Variants in CATSPERE observed in about 807,000 individuals in gnomAD.
CATSPERE encodes the protein catsper channel auxiliary subunit epsilon.
A neutral mutation model predicts 114.1 loss-of-function variants in CATSPERE; 93 were observed. The observed-to-expected ratio is 0.81, with a 90% CI of 0.69 to 0.97. CATSPERE has a LOEUF of 0.97. Among genes scored for constraint, CATSPERE ranks in the 50% least tolerant of loss-of-function variants. CATSPERE has a pLI of 0.00. For synonymous variants in CATSPERE, 341 were observed against 384.1 expected (o/e 0.89, Z 1.31); for missense variants, 1,058 against 1,131.6 (o/e 0.93, Z 0.93).
chr1:244,630,303 G>A (rs1673763909), intron 20 of CATSPERE, among the ~76,000 whole-genome samples: 1 of 152,138 alleles, frequency 6.6e-6, no homozygotes, highest in African/African-American at 2.4e-5. Flanking sequence ...CACATCATGT[G>A]TACTTTTTGA....
At chr1:244,625,432 A>ATATTTTTTTTT (rs1189412299) in intron 20 of CATSPERE, among the ~76,000 whole-genome samples, 1 of 3,976 alleles carries the variant, frequency 2.5e-4, no homozygotes, top group Non-Finnish European at 4.7e-4. Flanking sequence ...ATATATATAT[A>ATATTTTTTTTT]TTTTTTTTTT....
chr1:244,621,270 G>GATATATTTATATAAATATATTTAT (rs1672302830), intron 20 of CATSPERE, among the ~76,000 whole-genome samples: 1 of 62,644 alleles, frequency 1.6e-5, no homozygotes, highest in African/African-American at 5.7e-5. Flanking sequence ...TATTTATATA[G>GATATATTTATATAAATATATTTAT]ATATATCTAT....
chr1:244,506,691 T>C (rs1045755008), intron 7 of CATSPERE, among the ~76,000 whole-genome samples: 4 of 152,180 alleles, frequency 2.6e-5, no homozygotes, highest in South Asian at 2.1e-4. Flanking sequence ...TTGGTACCCA[T>C]ATACAATGTG....
intron 11 of CATSPERE, among the ~76,000 whole-genome samples, chr1:244,574,653 A>G (rs1478905043): frequency 6.6e-6 from 1 of 152,152 alleles, no homozygotes; most frequent in Non-Finnish European, 1.5e-5. Flanking sequence ...TAGAGCACAA[A>G]TACTGCTCTA....
intron 13 of CATSPERE, among the ~76,000 whole-genome samples, chr1:244,586,755 C>G (rs1374022939): frequency 6.6e-6 from 1 of 152,166 alleles, no homozygotes. Flanking sequence ...CAACATCCAA[C>G]AACATGCATA....
At chr1:244,550,906 G>T (rs1273539035) in intron 8 of CATSPERE, among the ~76,000 whole-genome samples, 2 of 152,176 alleles carry the variant, frequency 1.3e-5, no homozygotes, top group Non-Finnish European at 2.9e-5. Flanking sequence ...GAAATGTTCA[G>T]TACTTCTAAG....
intron 11 of CATSPERE, among the ~76,000 whole-genome samples, chr1:244,579,567 A>G (rs911945712): frequency 2.0e-5 from 3 of 152,232 alleles, no homozygotes; most frequent in African/African-American, 7.2e-5. Flanking sequence ...AATCCCATAT[A>G]TAAGTGTACT....
At chr1:244,490,663 T>C (rs1483195510) in intron 6 of CATSPERE, among the ~76,000 whole-genome samples, 192 bp downstream of exon 6, 1 of 152,142 alleles carries the variant, frequency 6.6e-6, no homozygotes, top group Non-Finnish European at 1.5e-5. Context: ...CCTATCTGCA[T>C]AAGGATGGAT....
intron 7 of CATSPERE, among the ~76,000 whole-genome samples, chr1:244,516,023 A>G (rs2148349568): frequency 6.6e-6 from 1 of 151,712 alleles, no homozygotes; most frequent in East Asian, 1.9e-4. Flanking sequence ...GCAAAACCCC[A>G]TCTGTACAAA....
In CATSPERE at chr1:244,487,133, G is replaced by C. The variant is rs113605560; in HGVS notation, c.327-3314G>C. ...GTAGTCACCTGGTGGGTGGTTCAGCGTGTGGAATACTCGTGGGCCACATAC... is the reference window on the plus strand; with the variant it reads ...GTAGTCACCTGGTGGGTGGTTCAGCCTGTGGAATACTCGTGGGCCACATAC... On this transcript the variant is annotated intron_variant, in intron 5 of 21. Transcript: ENST00000366534. Among the ~76,000 whole-genome samples the C allele has an allele frequency of 2.8e-5, 3 of 105,536 alleles. No homozygotes were observed. In the South Asian group the frequency reaches 1.1e-3, roughly 38 times the overall value. 69.2% of individuals were successfully genotyped at this position (105,536 alleles called of 152,430 possible). A position where few individuals can be genotyped will look rare whatever the true frequency, so the allele number is the denominator to read the frequency against.
intron 19 of CATSPERE, among the ~76,000 whole-genome samples, chr1:244,615,540 A>G (rs190063014): frequency 2.9e-4 from 44 of 151,742 alleles, no homozygotes; most frequent in Admixed American, 7.3e-4. Flanking sequence ...CTCCCAGGCC[A>G]CAAACACGCA....
intron 8 of CATSPERE, among the ~76,000 whole-genome samples, chr1:244,527,734 TATTA>T (rs1678878008): frequency 6.6e-6 from 1 of 152,314 alleles, no homozygotes; most frequent in South Asian, 2.1e-4. Context: ...ATTATAAAAG[TATTA>T]ATTTGGGGAA....
chr1:244,512,778 G>C (rs1459537121), intron 7 of CATSPERE, among the ~76,000 whole-genome samples: 1 of 152,098 alleles, frequency 6.6e-6, no homozygotes, highest in Admixed American at 6.5e-5. Flanking sequence ...GGTTGGGTAG[G>C]TTACTCTGGC....
intron 19 of CATSPERE, among the ~76,000 whole-genome samples, chr1:244,616,878 C>G (rs986697810): frequency 6.6e-6 from 1 of 152,172 alleles, no homozygotes; most frequent in African/African-American, 2.4e-5. Context: ...GAGAAGCTTT[C>G]AGAGAGCAAG....
chr1:244,476,835 G>A (rs1449759868), intron 2 of CATSPERE, among the ~76,000 whole-genome samples: 1 of 152,188 alleles, frequency 6.6e-6, no homozygotes, highest in African/African-American at 2.4e-5. Context: ...AGAAAAAGAT[G>A]AAAGTTATGT....
At chr1:244,535,015 A>C (rs756373845) in intron 8 of CATSPERE, among the ~76,000 whole-genome samples, 1 of 152,104 alleles carries the variant, frequency 6.6e-6, no homozygotes, top group African/African-American at 2.4e-5. Context: ...CAGTAATGCT[A>C]TGACTCTTGG....
At chr1:244,602,055 G>A (rs1057214304) in intron 17 of CATSPERE, among the ~76,000 whole-genome samples, 2 of 152,030 alleles carry the variant, frequency 1.3e-5, no homozygotes, top group Admixed American at 6.6e-5. Context: ...GAGGTCAAGG[G>A]GCAGATGAGA....
intron 17 of CATSPERE, among the ~76,000 whole-genome samples, chr1:244,604,159 G>C (rs894724264): frequency 6.6e-6 from 1 of 152,230 alleles, no homozygotes; most frequent in Non-Finnish European, 1.5e-5. Flanking sequence ...GCATTTGTCT[G>C]TTGCGAAAGG....
chr1:244,466,513 T>C (rs1667627836), intron 2 of CATSPERE, among the ~76,000 whole-genome samples: 1 of 152,210 alleles, frequency 6.6e-6, no homozygotes, highest in Non-Finnish European at 1.5e-5. Context: ...TGGTATTCGC[T>C]TGGAACTGTC....
Sources: gnomAD v4.1 joint callset for allele counts (sites outside exome capture counted in the v4.1 genomes callset) on GRCh38, gnomAD v4.1.1 for gene constraint, MANE v1.5 for transcripts, NCBI Gene and HGNC (gene_info 2026-07-23, HGNC 2026-07-21) for gene names.